TMTC2: variants seen among roughly 807,000 people sequenced by gnomAD.
TMTC2 encodes protein O-mannosyl-transferase TMTC2.
TMTC2 carries 43 observed loss-of-function variants against 82.4 expected under a neutral mutation model. That is an observed-to-expected ratio of 0.52 (90% CI 0.41 to 0.67). TMTC2 has a LOEUF of 0.67. Ranked by LOEUF, TMTC2 falls within the 30% of genes least tolerant of loss-of-function variation. The pLI is 0.00. For synonymous variants in TMTC2, 408 were observed against 381.9 expected, an observed-to-expected ratio of 1.07 and a Z score of -0.80; for missense variants, 919 against 1,012.4, an observed-to-expected ratio of 0.91 and a Z score of 1.25.
At chr12:83,130,743 AT>A (rs1269353262) in intron 11 of TMTC2, among the ~76,000 whole-genome samples, 1 of 152,328 alleles carries the variant, frequency 6.6e-6, no homozygotes, top group East Asian at 1.9e-4. Flanking sequence ...AGAGTGTCTA[AT>A]TTGTACCTGC....
At chr12:83,008,137 C>A (rs1315003606) in intron 8 of TMTC2, among the ~76,000 whole-genome samples, 1 of 152,084 alleles carries the variant, frequency 6.6e-6, no homozygotes, top group East Asian at 1.9e-4. Flanking sequence ...TGGCAAGAAC[C>A]ACAGTTACTT....
At chr12:83,111,462 A>T in intron 11 of TMTC2, among the ~76,000 whole-genome samples, 1 of 152,112 alleles carries the variant, frequency 6.6e-6, no homozygotes, top group East Asian at 1.9e-4. Flanking sequence ...ATATAATGCA[A>T]TTTTCATGTG....
At chr12:83,122,250 A>G (rs11115601) in intron 11 of TMTC2, among the ~76,000 whole-genome samples, 30,877 of 150,580 alleles carry the variant, frequency 0.21, 3,270 homozygotes, top group Middle Eastern at 0.32. Flanking sequence ...CCCACCTCCC[A>G]GCTATGAAAG....
Position 82,896,022 on chromosome 12 carries a change from C to T in TMTC2, c.859C>T (p.Pro287Ser). The T allele has an allele frequency of 6.2e-7, 1 of 1,613,906 alleles. No individual in the cohort carries two copies. Among genetic ancestry groups the T allele is most frequent in the Non-Finnish European group, 8.5e-7 (1 of 1,180,012 alleles). ...PTKNLWLLLC[P>S]DTLSFDWSMD... ...CAAGAACCTCTGGCTGTTGCTATGTCCAGATACCCTCAGTTTTGATTGGTC... is the reference window on the plus strand; with the variant it reads ...CAAGAACCTCTGGCTGTTGCTATGTTCAGATACCCTCAGTTTTGATTGGTC... The change falls in exon 3 of 12, where the codon CCA (proline) becomes TCA (serine). Residue 287 changes from proline (P) to serine (S), a missense_variant. Pro to Ser is a moderately conservative substitution (Grantham distance 74, BLOSUM62 -1). Transcript: ENST00000321196.
At position 83,030,864 on chromosome 12, in the gene TMTC2, T is replaced by C. The variant is rs758242687; in HGVS notation, c.2137T>C (p.Cys713Arg). The change falls in exon 9 of 12, where the codon TGT becomes CGT. Residue 713 changes from cysteine to arginine, a missense_variant. Coordinates refer to ENST00000321196, the MANE Select transcript of TMTC2 (RefSeq NM_152588.3). ...AIELDPTKGNCYMHYGQFLLE... is the reference protein window; with the variant it reads ...AIELDPTKGNRYMHYGQFLLE... Reference sequence around the variant, plus strand: ...TGAGCTGGATCCCACCAAAGGAAACTGTTACATGCATTATGGTGAGTGGTT... The same window carrying C: ...TGAGCTGGATCCCACCAAAGGAAACCGTTACATGCATTATGGTGAGTGGTT... 7.4e-6 allele frequency: 12 copies of C among 1,612,974 alleles called. No homozygotes were observed. In the Admixed American group the frequency reaches 1.2e-4, roughly 16 times the overall value.
intron 4 of TMTC2, among the ~76,000 whole-genome samples, chr12:82,963,428 C>T (rs1478699920): frequency 2.0e-5 from 3 of 151,494 alleles, no homozygotes; most frequent in Non-Finnish European, 2.9e-5. Context: ...GTGCACTTAC[C>T]CTTCTATCAA....
chr12:83,096,124 T>C (rs1884020795), intron 11 of TMTC2, among the ~76,000 whole-genome samples: 1 of 152,214 alleles, frequency 6.6e-6, no homozygotes, highest in Admixed American at 6.5e-5. Flanking sequence ...GCAGAGTGTA[T>C]AGTTTGTTTA....
At chr12:82,906,726 A>C (rs1305200576) in intron 3 of TMTC2, among the ~76,000 whole-genome samples, 1 of 152,104 alleles carries the variant, frequency 6.6e-6, no homozygotes, top group Non-Finnish European at 1.5e-5. Flanking sequence ...GAAAAAAGAA[A>C]TTTACTAGTT....
At chr12:82,734,106 C>G (rs1025463165) in intron 1 of TMTC2, among the ~76,000 whole-genome samples, 2 of 152,158 alleles carry the variant, frequency 1.3e-5, no homozygotes, top group African/African-American at 4.8e-5. Flanking sequence ...GAGTAAATCT[C>G]TAGGCCTTGG....
chr12:82,750,241 C>CA (rs1555182080), intron 1 of TMTC2, among the ~76,000 whole-genome samples: 1 of 147,914 alleles, frequency 6.8e-6, no homozygotes, highest in Non-Finnish European at 1.5e-5. Context: ...AAAGTTTAAT[C>CA]TTTTTTTTTT....
intron 1 of TMTC2, among the ~76,000 whole-genome samples, chr12:82,854,477 G>A (rs1436234169): frequency 6.6e-6 from 1 of 152,144 alleles, no homozygotes; most frequent in Non-Finnish European, 1.5e-5. Flanking sequence ...TAGGGGTGGA[G>A]GGGAGGGGTG....
At chr12:82,859,233 A>G (rs182743428) in intron 2 of TMTC2, among the ~76,000 whole-genome samples, 6 of 152,040 alleles carry the variant, frequency 3.9e-5, no homozygotes, top group Admixed American at 2.0e-4. Context: ...ATGCTCAGCT[A>G]ATTTTTGTAT....
At chr12:82,741,122 A>G (rs1191319123) in intron 1 of TMTC2, among the ~76,000 whole-genome samples, 1 of 152,076 alleles carries the variant, frequency 6.6e-6, no homozygotes, top group Non-Finnish European at 1.5e-5. Flanking sequence ...TGAGTCTGAC[A>G]CTCATCTCCT....
chr12:83,119,645 A>G (rs1884885092), intron 11 of TMTC2, among the ~76,000 whole-genome samples: 1 of 152,140 alleles, frequency 6.6e-6, no homozygotes, highest in Non-Finnish European at 1.5e-5. Context: ...TTCTGTATAT[A>G]TCTGTTAAGT....
chr12:82,991,870 G>A (rs189352061), intron 8 of TMTC2, among the ~76,000 whole-genome samples: 16 of 152,206 alleles, frequency 1.1e-4, no homozygotes, highest in East Asian at 7.7e-4. Context: ...TGCTTACTTC[G>A]TTTCTTTTTG....
intron 8 of TMTC2, among the ~76,000 whole-genome samples, chr12:83,029,602 T>C (rs1881338354): frequency 6.6e-6 from 1 of 152,132 alleles, no homozygotes; most frequent in African/African-American, 2.4e-5. Context: ...GTCTTTACCA[T>C]GGTCTGTGGC....
chr12:83,065,818 T>G (rs2137479698), intron 11 of TMTC2, among the ~76,000 whole-genome samples: 1 of 152,106 alleles, frequency 6.6e-6, no homozygotes, highest in East Asian at 1.9e-4. Flanking sequence ...CTGCATTAAC[T>G]TATGGATTTT....
chr12:82,711,448 A>G (rs945451197), intron 1 of TMTC2, among the ~76,000 whole-genome samples: 2 of 152,088 alleles, frequency 1.3e-5, no homozygotes, highest in Admixed American at 1.3e-4. Context: ...AAAAAAAAAA[A>G]CGAAAAAGGG....
Position 82,689,616 on chromosome 12 carries a change from A to T in TMTC2, c.83+1947A>T, listed in dbSNP as rs140627871. On this transcript the variant is annotated intron_variant, in intron 1 of 11. Transcript: ENST00000321196. ...TTTGGATATGCATTTTTCTATAGGT[A>T]TAATTGTTCTGTGCTCTTGAGTCAT... Among the ~76,000 whole-genome samples, 179 of 152,274 alleles carry T rather than the reference A, an allele frequency of 1.2e-3. 1 individual carries two copies. The highest frequency in any genetic ancestry group is 3.5e-3 in the African/African-American group (147 of 41,574).
Sources: gnomAD v4.1 joint callset for allele counts (sites outside exome capture counted in the v4.1 genomes callset) on GRCh38, gnomAD v4.1.1 for gene constraint, MANE v1.5 for transcripts, NCBI Gene and HGNC (gene_info 2026-07-23, HGNC 2026-07-21) for gene names.